DPP10: variants seen among roughly 807,000 people sequenced by gnomAD.
DPP10 encodes the protein dipeptidyl peptidase like 10.
A neutral mutation model predicts 120.9 loss-of-function variants in DPP10; 33 were observed. The observed-to-expected ratio is 0.27, with a 90% confidence interval of 0.21 to 0.37. The LOEUF (loss-of-function observed/expected upper bound fraction) is 0.37, where lower values mean the gene tolerates loss of function less well. Ranked by LOEUF, DPP10 falls within the 10% of genes least tolerant of loss-of-function variation. The pLI, the probability that DPP10 is intolerant of heterozygous loss-of-function variation, is 1.00. For synonymous variants in DPP10, 337 were observed against 326.1 expected, an observed-to-expected ratio of 1.03 and a Z score of -0.36; for missense variants, 816 against 942.8, an observed-to-expected ratio of 0.87 and a Z score of 1.76.
intron 1 of DPP10, among the ~76,000 whole-genome samples, chr2:115,029,272 C>T (rs931828530): frequency 6.6e-6 from 1 of 151,716 alleles, no homozygotes; most frequent in Non-Finnish European, 1.5e-5. Context: ...TTTATATTGC[C>T]TATCTCTTAA....
chr2:115,834,810 G>A (rs1343355582), intron 21 of DPP10, among the ~76,000 whole-genome samples: 1 of 152,156 alleles, frequency 6.6e-6, no homozygotes, highest in Non-Finnish European at 1.5e-5. Context: ...AAACAAGCCG[G>A]GCGCGGTGGC....
intron 7 of DPP10, among the ~76,000 whole-genome samples, chr2:115,695,117 A>G (rs1321294949): frequency 2.0e-5 from 3 of 152,174 alleles, no homozygotes; most frequent in African/African-American, 7.2e-5. Flanking sequence ...GATGTCAGCC[A>G]TTAAAAATTA....
intron 19 of DPP10, among the ~76,000 whole-genome samples, chr2:115,799,703 C>A (rs575459303): frequency 2.0e-5 from 3 of 149,476 alleles, no homozygotes; most frequent in East Asian, 4.0e-4. Flanking sequence ...TTTGTCCTTG[C>A]GATAGTTTGC....
intron 1 of DPP10, among the ~76,000 whole-genome samples, chr2:114,703,581 T>G (rs1700511480): frequency 6.6e-6 from 1 of 152,182 alleles, no homozygotes; most frequent in Non-Finnish European, 1.5e-5. Context: ...AAAAACTAAT[T>G]CAGCATGTGT....
At chr2:115,229,124 A>G (rs1391088112) in intron 1 of DPP10, among the ~76,000 whole-genome samples, 3 of 152,266 alleles carry the variant, frequency 2.0e-5, no homozygotes, top group African/African-American at 7.2e-5. Flanking sequence ...ATCTCTGATG[A>G]TCAGTGATGT....
intron 3 of DPP10, among the ~76,000 whole-genome samples, chr2:115,429,390 G>A (rs2070768361): frequency 6.6e-6 from 1 of 151,974 alleles, no homozygotes; most frequent in African/African-American, 2.4e-5. Flanking sequence ...AAAATGTTTG[G>A]AAAAAATAAA....
chr2:114,673,301 A>C (rs1698465663), intron 1 of DPP10, among the ~76,000 whole-genome samples: 1 of 152,294 alleles, frequency 6.6e-6, no homozygotes, highest in South Asian at 2.1e-4. Flanking sequence ...CATGCTGATT[A>C]ATAAACATCA....
At chr2:115,813,552 G>C (rs568413649) in intron 19 of DPP10, among the ~76,000 whole-genome samples, 2 of 152,178 alleles carry the variant, frequency 1.3e-5, no homozygotes, top group Non-Finnish European at 2.9e-5. Flanking sequence ...AAGCAACTGG[G>C]TGTTAGGGAT....
chr2:115,543,272 T>A (rs539692424), intron 5 of DPP10, among the ~76,000 whole-genome samples: 4 of 152,022 alleles, frequency 2.6e-5, no homozygotes, highest in Non-Finnish European at 5.9e-5. Context: ...GTGATCTAAG[T>A]CAAGTCTCAG....
chr2:115,556,524 G>A, intron 5 of DPP10, among the ~76,000 whole-genome samples: 1 of 152,078 alleles, frequency 6.6e-6, no homozygotes, highest in South Asian at 2.1e-4. Context: ...TTATGAATGG[G>A]CTGTGCTGAA....
intron 1 of DPP10, among the ~76,000 whole-genome samples, chr2:114,490,351 T>C (rs891524902): frequency 7.9e-5 from 12 of 152,210 alleles, no homozygotes; most frequent in Non-Finnish European, 1.5e-4. Flanking sequence ...TTCTACTTCC[T>C]ACTTCCATCA....
At chr2:114,886,691 T>C (rs1041801444) in intron 1 of DPP10, among the ~76,000 whole-genome samples, 1 of 152,206 alleles carries the variant, frequency 6.6e-6, no homozygotes, top group Non-Finnish European at 1.5e-5. Flanking sequence ...AAGTCTGTTA[T>C]GGATATATTT....
chr2:114,448,456 C>G (rs746710), intron 1 of DPP10, among the ~76,000 whole-genome samples: 78,244 of 151,894 alleles, frequency 0.52, 20,510 homozygotes, highest in Middle Eastern at 0.68. Flanking sequence ...GAAGCATGGA[C>G]GTAGTAAGCT....
At chr2:115,095,275 G>A (rs1306312226) in intron 1 of DPP10, among the ~76,000 whole-genome samples, 4 of 152,244 alleles carry the variant, frequency 2.6e-5, no homozygotes, top group African/African-American at 9.6e-5. Flanking sequence ...TGGCATCTTT[G>A]GAAGAAAAAA....
At chr2:115,393,671 C>T (rs1221602747) in intron 3 of DPP10, among the ~76,000 whole-genome samples, 1 of 152,190 alleles carries the variant, frequency 6.6e-6, no homozygotes, top group African/African-American at 2.4e-5. Flanking sequence ...GAACTTGTTA[C>T]TTTCTCTACT....
At chr2:115,286,326 T>C (rs2060369583) in intron 1 of DPP10, among the ~76,000 whole-genome samples, 1 of 150,936 alleles carries the variant, frequency 6.6e-6, no homozygotes, top group Admixed American at 6.6e-5. Context: ...AAACTGATGT[T>C]ATTTGTAAAT....
At chr2:115,169,901 T>TA (rs2053189498) in intron 1 of DPP10, among the ~76,000 whole-genome samples, 1 of 152,214 alleles carries the variant, frequency 6.6e-6, no homozygotes, top group Admixed American at 6.5e-5. Context: ...AAGCTATTTT[T>TA]ATTATTCTTA....
intron 3 of DPP10, among the ~76,000 whole-genome samples, chr2:115,489,425 G>A (rs1346269788): frequency 6.6e-6 from 1 of 151,964 alleles, no homozygotes; most frequent in African/African-American, 2.4e-5. Context: ...GGGAAGGGAT[G>A]TTGAACCCTC....
rs1187909049 is a variant in DPP10, at chr2:115,841,692, AT to A, written c.2257-516del. Among the ~76,000 whole-genome samples the A allele has an allele frequency of 2.0e-5, 3 of 152,162 alleles. No individual in the cohort carries two copies. The South Asian group carries it at 6.2e-4, about 31-fold the overall frequency. ...TAATGGGATAATATTTGTATTTTTT[AT>A]TTGTATTTTAGAAACAGTAACAATT... On this transcript the variant is annotated intron_variant, in intron 25 of 25. Coordinates refer to ENST00000410059, the MANE Select transcript of DPP10 (RefSeq NM_020868.6).
Sources: allele counts gnomAD v4.1 joint callset (sites outside exome capture counted in the v4.1 genomes callset), GRCh38; gene constraint gnomAD v4.1.1; transcripts MANE v1.5; gene names NCBI Gene and HGNC (gene_info 2026-07-23, HGNC 2026-07-21).